GUCY1A2: variants seen among roughly 807,000 people sequenced by gnomAD.
GUCY1A2 encodes guanylate cyclase soluble subunit alpha-2.
GUCY1A2 carries 27 observed loss-of-function variants against 63.5 expected under a neutral mutation model. The ratio of observed to expected loss-of-function variants is 0.43; its 90% CI spans 0.31 to 0.59. GUCY1A2 has a LOEUF of 0.59. Among genes scored for constraint, GUCY1A2 ranks in the 20% least tolerant of loss-of-function variants. The probability of loss-of-function intolerance (pLI) is 0.11; values close to 1 mark genes in which losing one functional copy is unlikely to be tolerated. For synonymous variants in GUCY1A2, 364 were observed against 343.5 expected (o/e 1.06, Z -0.66); for missense variants, 768 against 913.3 (o/e 0.84, Z 2.05).
At chr11:106,832,166 C>T (rs1859059667) in intron 4 of GUCY1A2, among the ~76,000 whole-genome samples, 1 of 152,092 alleles carries the variant, frequency 6.6e-6, no homozygotes, top group Admixed American at 6.5e-5. Context: ...AATTTCATAT[C>T]AATTTTTATC....
At chr11:106,920,319 T>G (rs945939955) in intron 4 of GUCY1A2, among the ~76,000 whole-genome samples, 4 of 152,274 alleles carry the variant, frequency 2.6e-5, no homozygotes, top group Admixed American at 2.0e-4. Flanking sequence ...AGGCAGTGGA[T>G]TCACAGGTTA....
At chr11:107,016,031 C>G (rs531805051) in intron 1 of GUCY1A2, among the ~76,000 whole-genome samples, 2 of 152,258 alleles carry the variant, frequency 1.3e-5, no homozygotes, top group African/African-American at 4.8e-5. Flanking sequence ...CATCTTCAAT[C>G]AGGTCTCGTA....
At chr11:107,004,136 A>G (rs953606178) in intron 1 of GUCY1A2, among the ~76,000 whole-genome samples, 5 of 152,198 alleles carry the variant, frequency 3.3e-5, no homozygotes, top group African/African-American at 4.8e-5. Flanking sequence ...CCTAGCATCT[A>G]GAGGAATGAG....
intron 4 of GUCY1A2, among the ~76,000 whole-genome samples, chr11:106,887,669 A>G (rs1306251369): frequency 1.3e-5 from 2 of 152,284 alleles, no homozygotes; most frequent in East Asian, 3.9e-4. Flanking sequence ...CTTATGTTGT[A>G]TCATGGCTAC....
At chr11:106,693,387 T>TATCATC (rs200713085) in intron 7 of GUCY1A2, among the ~76,000 whole-genome samples, 11 of 152,002 alleles carry the variant, frequency 7.2e-5, no homozygotes, top group Non-Finnish European at 1.5e-4. Context: ...TAGTCTTTTT[T>TATCATC]ATCATCATCA....
intron 6 of GUCY1A2, among the ~76,000 whole-genome samples, chr11:106,758,309 C>G (rs555661553): frequency 1.6e-4 from 25 of 152,304 alleles, no homozygotes; most frequent in Admixed American, 5.9e-4. Context: ...GAGCCAGGCA[C>G]CGGAGGGAAT....
intron 4 of GUCY1A2, among the ~76,000 whole-genome samples, chr11:106,884,249 G>A (rs1279670675): frequency 6.6e-6 from 1 of 152,086 alleles, no homozygotes; most frequent in Admixed American, 6.6e-5. Flanking sequence ...ATTTACCAGG[G>A]CTCTGTTTTT....
intron 6 of GUCY1A2, among the ~76,000 whole-genome samples, chr11:106,716,327 G>A (rs968842501): frequency 1.3e-5 from 2 of 152,268 alleles, no homozygotes; most frequent in South Asian, 2.1e-4. Flanking sequence ...ATTATAGGAT[G>A]ATTACTGTCC....
At chr11:106,896,451 T>A (rs910426514) in intron 4 of GUCY1A2, among the ~76,000 whole-genome samples, 1 of 152,174 alleles carries the variant, frequency 6.6e-6, no homozygotes, top group Non-Finnish European at 1.5e-5. Context: ...TGTACTGAAG[T>A]CCTAGCTAAT....
chr11:106,946,544 T>G (rs995611190), intron 3 of GUCY1A2, among the ~76,000 whole-genome samples: 4 of 151,292 alleles, frequency 2.6e-5, no homozygotes, highest in Non-Finnish European at 5.9e-5. Context: ...TCAAAGAAAC[T>G]GCAAGAAAAA....
At chr11:106,812,393 T>C (rs548711168) in intron 4 of GUCY1A2, among the ~76,000 whole-genome samples, 137 of 151,892 alleles carry the variant, frequency 9.0e-4, no homozygotes, top group African/African-American at 3.1e-3. Context: ...TACACTTTTT[T>C]CACCCTCCTC....
chr11:106,768,140 A>T (rs1490873762), intron 6 of GUCY1A2, among the ~76,000 whole-genome samples: 1 of 152,090 alleles, frequency 6.6e-6, no homozygotes, highest in Admixed American at 6.6e-5. Context: ...ACTGAATTTA[A>T]TCAATGTCAA....
In GUCY1A2 at chr11:106,810,061, C is replaced by G; in HGVS notation, c.1624G>C (p.Val542Leu). 6.2e-7 allele frequency: 1 copy of G among 1,611,218 alleles called. No homozygotes were observed. The highest frequency in any genetic ancestry group is 8.5e-7 in the Non-Finnish European group (1 of 1,177,444). ...AICAQCTPMQ[V>L]ISMLNELYTR... is the part of the protein sequence containing the mutation. The stretch of plus-strand genomic sequence containing the variant: ...TACAGTTCATTCAGCATGCTGATTA[C>G]TTGCATGGGAGTACACTGGGCACAT... Residue 542 changes from valine (V) to leucine (L), a missense_variant, in exon 5 of 8, where the codon GTA becomes CTA. Physicochemically the swap from Val to Leu is conservative, Grantham distance 32 (BLOSUM62 1). Around this residue, in one of 3 missense-constraint regions of GUCY1A2, gnomAD observed 122 missense variants for 238.1 expected, o/e 0.51. Coordinates refer to ENST00000526355, the MANE Select transcript of GUCY1A2 (RefSeq NM_000855.3).
At chr11:106,990,413 C>T (rs1861455775) in intron 1 of GUCY1A2, among the ~76,000 whole-genome samples, 1 of 152,232 alleles carries the variant, frequency 6.6e-6, no homozygotes, top group African/African-American at 2.4e-5. Context: ...ATAGTCCCAA[C>T]AGAGCCAGAG....
chr11:106,799,469 C>T (rs1864829604), intron 5 of GUCY1A2, among the ~76,000 whole-genome samples: 1 of 152,166 alleles, frequency 6.6e-6, no homozygotes, highest in South Asian at 2.1e-4. Flanking sequence ...CTGGATGCAT[C>T]ACACTACCTG....
At chr11:106,695,300 GATTA>G (rs1010894296) in intron 7 of GUCY1A2, among the ~76,000 whole-genome samples, 14 of 152,130 alleles carry the variant, frequency 9.2e-5, no homozygotes, top group Admixed American at 2.0e-4. Flanking sequence ...TTTCAAAAAA[GATTA>G]ATTATTAACT....
At chr11:106,935,600 T>C (rs1300506014) in intron 4 of GUCY1A2, among the ~76,000 whole-genome samples, 1 of 152,036 alleles carries the variant, frequency 6.6e-6, no homozygotes, top group Non-Finnish European at 1.5e-5. Flanking sequence ...AGCAATTTGA[T>C]AGGCCAAGGT....
At chr11:106,816,358 A>T (rs11211927) in intron 4 of GUCY1A2, among the ~76,000 whole-genome samples, 24,539 of 151,638 alleles carry the variant, frequency 0.16, 2,359 homozygotes, top group East Asian at 0.28. Context: ...AAAATGAAAC[A>T]ACACTTTTCT....
intron 3 of GUCY1A2, among the ~76,000 whole-genome samples, chr11:106,948,186 T>C (rs915960997): frequency 1.3e-5 from 2 of 152,096 alleles, no homozygotes; most frequent in African/African-American, 4.8e-5. Context: ...TTTCCGGCCA[T>C]AGAAAAAAAT....
Sources: gnomAD v4.1 joint callset for allele counts (sites outside exome capture counted in the v4.1 genomes callset) on GRCh38, gnomAD v4.1.1 for gene constraint, gnomAD v4.1.1 regional missense constraint, MANE v1.5 for transcripts, NCBI Gene and HGNC (gene_info 2026-07-23, HGNC 2026-07-21) for gene names.